PPP2R5E: variants seen among roughly 807,000 people sequenced by gnomAD.
PPP2R5E encodes the protein protein phosphatase 2 regulatory subunit B'epsilon.
PPP2R5E carries 4 observed loss-of-function variants against 65.3 expected under a neutral mutation model. The observed-to-expected ratio is 0.06, with a 90% CI of 0.03 to 0.14. PPP2R5E has a LOEUF of 0.14. Among genes scored for constraint, PPP2R5E ranks in the 10% least tolerant of loss-of-function variants. PPP2R5E has a pLI of 1.00. For missense variants in PPP2R5E, 274 were observed against 556.1 expected (o/e 0.49, Z 5.10); for synonymous variants, 183 against 187.4 (o/e 0.98, Z 0.19).
At chr14:63,542,478 C>T (rs1422304119) in intron 1 of PPP2R5E, among the ~76,000 whole-genome samples, 1 of 152,174 alleles carries the variant, frequency 6.6e-6, no homozygotes, top group Non-Finnish European at 1.5e-5. Context: ...ATCCTCCTCA[C>T]ACCAAACCCC....
intron 2 of PPP2R5E, among the ~76,000 whole-genome samples, chr14:63,464,217 A>G (rs956748648): frequency 2.0e-5 from 3 of 152,194 alleles, no homozygotes; most frequent in Non-Finnish European, 4.4e-5. Flanking sequence ...TGAGCTTTAC[A>G]TTCTAGCAGG....
chr14:63,384,389 GGAAA>G (rs1305819634), intron 12 of PPP2R5E, 51 bp downstream of exon 12: 1 of 1,567,920 alleles, frequency 6.4e-7, no homozygotes, highest in Non-Finnish European at 8.8e-7. Context: ...AAGGCTGAAG[GGAAA>G]GAAAGAGAGG....
chr14:63,529,489 T>C (rs1594976169), intron 2 of PPP2R5E, among the ~76,000 whole-genome samples: 1 of 151,632 alleles, frequency 6.6e-6, no homozygotes, highest in Non-Finnish European at 1.5e-5. Flanking sequence ...GCCTTCCGAG[T>C]AGCTGGGACT....
rs1011475473 is a variant in PPP2R5E, at chr14:63,373,371, C to CAG, written c.*2636_*2637dup. 1 of 152,156 alleles carries CAG rather than the reference C, an allele frequency of 6.6e-6. No individual in the cohort carries two copies. Among genetic ancestry groups the CAG allele is most frequent in the Admixed American group, 6.5e-5 (1 of 15,272 alleles). 9.4% of individuals were successfully genotyped at this position (152,156 alleles called of 1,614,324 possible). ...GCAACAGCAGAATTGTGGGAAGGGA[C>CAG]AGAGAGAGAGGGCTGCTGCAAATGC... On this transcript the variant is annotated 3_prime_UTR_variant, in exon 14 of 14. Coordinates refer to ENST00000337537, the MANE Select transcript of PPP2R5E (RefSeq NM_006246.5).
At chr14:63,477,688 T>C (rs1890476451) in intron 2 of PPP2R5E, among the ~76,000 whole-genome samples, 2 of 152,040 alleles carry the variant, frequency 1.3e-5, no homozygotes, top group Admixed American at 6.5e-5. Flanking sequence ...CAAAGAAAAG[T>C]ATAAGGCAGC....
At chr14:63,425,908 G>A (rs1175652940) in intron 3 of PPP2R5E, among the ~76,000 whole-genome samples, 1 of 152,192 alleles carries the variant, frequency 6.6e-6, no homozygotes, top group Admixed American at 6.5e-5. Flanking sequence ...AGAAGGCCAA[G>A]TTGGGTAAAT....
chr14:63,530,629 T>C (rs1451068870), intron 2 of PPP2R5E, among the ~76,000 whole-genome samples: 1 of 145,312 alleles, frequency 6.9e-6, no homozygotes, highest in Non-Finnish European at 1.5e-5. Context: ...ACTCTCAATT[T>C]CTTTTTTTTT....
intron 3 of PPP2R5E, among the ~76,000 whole-genome samples, chr14:63,434,762 C>A (rs887597190): frequency 1.3e-5 from 2 of 152,192 alleles, no homozygotes; most frequent in African/African-American, 4.8e-5. Context: ...AAGAAGTTCA[C>A]TATTTTTTTA....
At chr14:63,419,705 TA>T (rs1886898990) in intron 4 of PPP2R5E, among the ~76,000 whole-genome samples, 2 of 152,096 alleles carry the variant, frequency 1.3e-5, no homozygotes, top group South Asian at 4.2e-4. Context: ...TTACGAATTT[TA>T]AAAGGTTCCT....
intron 3 of PPP2R5E, among the ~76,000 whole-genome samples, chr14:63,444,910 G>C (rs1888401414): frequency 6.6e-6 from 1 of 152,158 alleles, no homozygotes; most frequent in Non-Finnish European, 1.5e-5. Flanking sequence ...AGAAATACAT[G>C]ACACAAACCA....
chr14:63,519,269 T>C lies in PPP2R5E; in HGVS notation c.157+20260A>G, dbSNP rs142906678. Among the ~76,000 whole-genome samples, 127 of 152,300 alleles carry C rather than the reference T, an allele frequency of 8.3e-4. 5 individuals are homozygous for C. The East Asian group carries it at 0.023, about 27-fold the overall frequency. On this transcript the variant is annotated intron_variant, in intron 2 of 13. Transcript: ENST00000337537. The stretch of plus-strand genomic sequence containing the variant: ...AGGGGAAAATATTATTCCTTATGAC[T>C]GGGTAGGGGATCTAGAGGTGATTTA...
chr14:63,378,749 G>A (rs187167281), intron 13 of PPP2R5E, among the ~76,000 whole-genome samples: 1 of 152,216 alleles, frequency 6.6e-6, no homozygotes, highest in African/African-American at 2.4e-5. Flanking sequence ...ATTTTACATA[G>A]CACTAATGTT....
chr14:63,498,109 T>A (rs923907048), intron 2 of PPP2R5E, among the ~76,000 whole-genome samples: 1 of 152,236 alleles, frequency 6.6e-6, no homozygotes, highest in Non-Finnish European at 1.5e-5. Context: ...ATGAACTTAA[T>A]ATCTCTTCTT....
intron 5 of PPP2R5E, among the ~76,000 whole-genome samples, chr14:63,399,968 A>T (rs1475039): frequency 2.0e-5 from 3 of 151,934 alleles, no homozygotes; most frequent in Non-Finnish European, 4.4e-5. Flanking sequence ...CGGTGTTTTA[A>T]TTTGAATAAA....
chr14:63,513,695 C>T (rs1892550219), intron 2 of PPP2R5E, among the ~76,000 whole-genome samples: 1 of 152,218 alleles, frequency 6.6e-6, no homozygotes, highest in South Asian at 2.1e-4. Flanking sequence ...ATTTCCTGAA[C>T]ACACATCAAA....
rs79313022 is a variant in PPP2R5E at position 63,383,983 on chromosome 14, C to T, written c.1202+461G>A. ...TTTTCTAGCCACATCCTCTAGCACC[C>T]TCCCCAAAAGACCTTGTGCCTCAGC... On this transcript the variant is annotated intron_variant, in intron 12 of 13. Coordinates refer to ENST00000337537, the MANE Select transcript of PPP2R5E (RefSeq NM_006246.5). 2.5e-3 allele frequency among the ~76,000 whole-genome samples: 384 copies of T among 152,280 alleles called. 1 individual carries two copies. Among genetic ancestry groups the T allele is most frequent in the African/African-American group, 8.4e-3 (349 of 41,560 alleles).
intron 3 of PPP2R5E, among the ~76,000 whole-genome samples, chr14:63,447,814 A>G (rs1888569302): frequency 6.6e-6 from 1 of 152,002 alleles, no homozygotes. Context: ...TCATTGGAAC[A>G]CTTAAAGGCC....
intron 13 of PPP2R5E, 22 bp from the exon 14 acceptor site, chr14:63,376,130 A>G (rs1272127070): frequency 2.6e-5 from 39 of 1,491,862 alleles, no homozygotes; most frequent in Non-Finnish European, 3.4e-5. Context: ...ACAGAATACA[A>G]TGTAAACAGC....
intron 2 of PPP2R5E, among the ~76,000 whole-genome samples, chr14:63,511,446 G>A (rs1441888664): frequency 6.6e-6 from 1 of 152,176 alleles, no homozygotes; most frequent in Non-Finnish European, 1.5e-5. Flanking sequence ...TGAGCTCAGA[G>A]GAGAAGAGAA....
Sources: gnomAD v4.1 joint callset for allele counts (sites outside exome capture counted in the v4.1 genomes callset) on GRCh38, gnomAD v4.1.1 for gene constraint, MANE v1.5 for transcripts, NCBI Gene and HGNC (gene_info 2026-07-23, HGNC 2026-07-21) for gene names.